Variants in ARHGEF18 observed in about 807,000 individuals in gnomAD.
ARHGEF18 encodes rho guanine nucleotide exchange factor 18.
In ARHGEF18, 93 loss-of-function variants were observed where a neutral mutation model predicts 155.7. The observed-to-expected ratio is 0.60, with a 90% CI of 0.50 to 0.71. The LOEUF (loss-of-function observed/expected upper bound fraction) is 0.71. ARHGEF18 is among the 30% of genes least tolerant of loss of function. The pLI is 0.00. For synonymous variants in ARHGEF18, 742 were observed against 753.1 expected (o/e 0.99, Z 0.24); for missense variants, 1,593 against 1,816.1 (o/e 0.88, Z 2.23).
intron 9 of ARHGEF18, 67 bp downstream of exon 9, chr19:7,382,961 G>A (rs530274919): frequency 1.2e-4 from 146 of 1,232,162 alleles, no homozygotes; most frequent in South Asian, 9.5e-4. Flanking sequence ...CCCTTAGCCC[G>A]GGAGCCCTGT....
In ARHGEF18 at chr19:7,467,418, C is replaced by G. The variant is rs537838138; in HGVS notation, c.3214C>G (p.Arg1072Gly). The change falls in exon 26 of 29, where the codon CGC becomes GGC. Residue 1072 changes from arginine to glycine, a missense_variant. By Grantham distance (125) the Arg-to-Gly change is moderately radical. Transcript: ENST00000668164. ...QLRHEQQRWE[R>G]ERQWQHQELE... ...GCGGCACGAGCAGCAGCGCTGGGAGCGCGAGCGCCAGTGGCAGCACCAGGA... is the reference window on the plus strand; with the variant it reads ...GCGGCACGAGCAGCAGCGCTGGGAGGGCGAGCGCCAGTGGCAGCACCAGGA... The G allele has an allele frequency of 6.5e-7, 1 of 1,531,912 alleles. No homozygotes were observed. The highest frequency in any genetic ancestry group is 2.4e-5 in the East Asian group (1 of 40,828). 94.9% of individuals were successfully genotyped at this position (1,531,912 alleles called of 1,614,324 possible).
rs140122209 is a variant in ARHGEF18, at chr19:7,462,234, C to T, written c.2535C>T (p.Gly845=). The T allele has an allele frequency of 1.3e-5, 21 of 1,613,788 alleles. No homozygotes were observed. The African/African-American group carries it at 1.5e-4, about 11-fold the overall frequency. Residue 845 remains glycine, a synonymous_variant, in exon 21 of 29, where the codon GGC becomes GGT. Transcript: ENST00000668164. The surrounding 1 kb of genome is among the most constrained non-coding windows in gnomAD (Gnocchi z 4.4). The part of the protein sequence containing the change: ...QQIYLEMAEM[G]GLEDLPQPRG... The stretch of plus-strand genomic sequence containing the variant: ...TCTACCTGGAGATGGCCGAGATGGG[C>T]GGCCTCGAAGACCTGCCCCAGCCCC...
At chr19:7,391,559 C>T (rs934607006) in intron 10 of ARHGEF18, among the ~76,000 whole-genome samples, 3 of 152,128 alleles carry the variant, frequency 2.0e-5, no homozygotes, top group Non-Finnish European at 2.9e-5. Flanking sequence ...CATACACATA[C>T]GCTGTGCCTT....
At chr19:7,452,411 G>A (rs985166120) in intron 16 of ARHGEF18, among the ~76,000 whole-genome samples, 3 of 152,202 alleles carry the variant, frequency 2.0e-5, no homozygotes, top group African/African-American at 7.2e-5. Flanking sequence ...CTTGGAGTGG[G>A]AAGAGCCAGA....
At chr19:7,477,403 C>T (rs369857427), downstream of ARHGEF18, 1 of 1,501,394 alleles carries the variant, frequency 6.7e-7, no homozygotes, top group South Asian at 1.3e-5. Context: ...GCATCTGCGC[C>T]TCCATGGCCC....
intron 10 of ARHGEF18, among the ~76,000 whole-genome samples, chr19:7,435,732 C>T (rs1025417260): frequency 6.6e-6 from 1 of 152,176 alleles, no homozygotes; most frequent in African/African-American, 2.4e-5. Context: ...ATCAATACAG[C>T]GGGTCTGTGG....
At chr19:7,381,575 G>A (rs1006838435) in intron 8 of ARHGEF18, among the ~76,000 whole-genome samples, 1 of 151,954 alleles carries the variant, frequency 6.6e-6, no homozygotes, top group Non-Finnish European at 1.5e-5. Context: ...CTACTCACGA[G>A]GCTGAGGCAG....
At chr19:7,459,843 CTG>C in intron 19 of ARHGEF18, 58 bp from the exon 20 acceptor site, 2 of 1,437,040 alleles carry the variant, frequency 1.4e-6, no homozygotes, top group Non-Finnish European at 1.9e-6. Flanking sequence ...GAACCAGCGT[CTG>C]TGCCGAGGCT....
Position 7,353,326 on chromosome 19 carries a change from C to T in ARHGEF18, c.-111+4085C>T, listed in dbSNP as rs573259398. Reference sequence around the variant, plus strand: ...TATTCCAGCTGGGTGCAGTGGCTCACGCCTGTAATCTCAGCACTTTGGGAG... The same window carrying T: ...TATTCCAGCTGGGTGCAGTGGCTCATGCCTGTAATCTCAGCACTTTGGGAG... On this transcript the variant is annotated intron_variant, in intron 1 of 28. Coordinates refer to ENST00000668164, the MANE Select transcript of ARHGEF18 (RefSeq NM_001367823.1). Among the ~76,000 whole-genome samples the T allele has an allele frequency of 6.4e-4, 97 of 152,022 alleles. 2 individuals are homozygous for T. The South Asian group carries it at 0.02, about 31-fold the overall frequency.
In ARHGEF18 at chr19:7,444,088, T is replaced by C; in HGVS notation, c.1361-116T>C. On this transcript the variant is annotated intron_variant, in intron 13 of 28. Transcript: ENST00000668164. This position sits in a 1 kb window ranked among gnomAD's most constrained non-coding sequence, Gnocchi z 4.7. ...AGAAAGATCCCAAAGGCACAAGGTC[T>C]TAGGCAGAGAACTCTCAGAAGCCAG... 1 of 1,369,220 alleles carries C rather than the reference T, an allele frequency of 7.3e-7. No individual in the cohort carries two copies. Among genetic ancestry groups the C allele is most frequent in the East Asian group, 2.3e-5 (1 of 42,582 alleles). The allele number at this position is 1,369,220 out of a possible 1,614,324, so 84.8% of individuals were successfully genotyped here. A position where few individuals can be genotyped will look rare whatever the true frequency, so the allele number is the denominator to read the frequency against.
intron 12 of ARHGEF18, 32 bp from the exon 13 acceptor site, chr19:7,441,880 C>A (rs982957018): frequency 3.7e-6 from 6 of 1,613,248 alleles, no homozygotes; most frequent in East Asian, 2.2e-5. Context: ...TGGCTCTGGG[C>A]CCCCAGCAGC....
chr19:7,461,202 C>T (rs1976232153), intron 20 of ARHGEF18, among the ~76,000 whole-genome samples: 1 of 151,980 alleles, frequency 6.6e-6, no homozygotes. Context: ...CACTGGAAGC[C>T]AGGAGTTTGA....
intron 17 of ARHGEF18, 63 bp downstream of exon 17, chr19:7,453,778 G>T (rs141762100): frequency 1.3e-6 from 2 of 1,492,122 alleles, no homozygotes; most frequent in African/African-American, 1.4e-5. Flanking sequence ...CACTGTCTTG[G>T]AGTGGTGGGC....
intron 10 of ARHGEF18, among the ~76,000 whole-genome samples, chr19:7,401,582 C>T (rs1972021425): frequency 6.6e-6 from 1 of 152,148 alleles, no homozygotes; most frequent in Non-Finnish European, 1.5e-5. Context: ...AGCCATTGTG[C>T]CCATCCCTAA....
intron 10 of ARHGEF18, among the ~76,000 whole-genome samples, chr19:7,400,465 C>G (rs1284325524): frequency 1.3e-5 from 2 of 152,066 alleles, no homozygotes; most frequent in African/African-American, 4.8e-5. Flanking sequence ...GTTCATCATT[C>G]TTATGGGTGG....
intron 10 of ARHGEF18, among the ~76,000 whole-genome samples, chr19:7,406,874 G>A (rs1010022019): frequency 1.3e-5 from 2 of 150,608 alleles, no homozygotes; most frequent in African/African-American, 4.9e-5. Flanking sequence ...CTAACACAGT[G>A]AAACCCCGTC....
Position 7,453,730 on chromosome 19 carries a change from C to T in ARHGEF18, c.2104+15C>T. On this transcript the variant is annotated intron_variant, in intron 17 of 28. Coordinates refer to ENST00000668164, the MANE Select transcript of ARHGEF18 (RefSeq NM_001367823.1). ...GCGCTTGAAAGGTAAAGGCCTGCCC[C>T]TGCCCACCTCTAGTGGGTGCCATCT... 1 of 1,531,622 alleles carries T rather than the reference C, an allele frequency of 6.5e-7. No individual in the cohort carries two copies. Among genetic ancestry groups the T allele is most frequent in the Non-Finnish European group, 8.8e-7 (1 of 1,138,176 alleles). The allele number at this position is 1,531,622 out of a possible 1,614,324, so 94.9% of individuals were successfully genotyped here.
Position 7,463,779 on chromosome 19 carries a change from G to A in ARHGEF18, c.2636-39G>A, listed in dbSNP as rs776427611. 58 of 1,565,478 alleles carry A rather than the reference G, an allele frequency of 3.7e-5. No homozygotes were observed. In the East Asian group the frequency reaches 1.1e-3, roughly 30 times the overall value. ...CTCCGTATTCCCCCAGCACACTTCCGCAGGGCGACCCGTGCCTCCTGTCCC... is the reference window on the plus strand; with the variant it reads ...CTCCGTATTCCCCCAGCACACTTCCACAGGGCGACCCGTGCCTCCTGTCCC... On this transcript the variant is annotated intron_variant, in intron 21 of 28. Transcript: ENST00000668164. This position sits in a 1 kb window ranked among gnomAD's most constrained non-coding sequence, Gnocchi z 5.2.
downstream of ARHGEF18, among the ~76,000 whole-genome samples, chr19:7,475,771 C>T (rs1397039615): frequency 6.6e-6 from 1 of 152,232 alleles, no homozygotes; most frequent in Non-Finnish European, 1.5e-5. Context: ...AAGGGCCCCA[C>T]TGGTATGAGC....
Sources: allele counts gnomAD v4.1 joint callset (sites outside exome capture counted in the v4.1 genomes callset), GRCh38; gene constraint gnomAD v4.1.1; non-coding constraint Gnocchi (gnomAD v3.1); transcripts MANE v1.5; gene names NCBI Gene and HGNC (gene_info 2026-07-23, HGNC 2026-07-21).